Variants in BICC1 observed in about 807,000 individuals in gnomAD.
BICC1 encodes protein bicaudal C homolog 1.
Under a neutral mutation model 111.0 loss-of-function variants are expected in BICC1, and 43 were observed. That is an observed-to-expected ratio of 0.39 (90% CI 0.30 to 0.50). BICC1 has a LOEUF of 0.50. Ranked by LOEUF, BICC1 falls within the 20% of genes least tolerant of loss-of-function variation. BICC1 has a pLI of 0.88. For missense variants in BICC1, 1,091 were observed against 1,203.2 expected, an observed-to-expected ratio of 0.91 and a Z score of 1.38; for synonymous variants, 467 against 434.4, an observed-to-expected ratio of 1.07 and a Z score of -0.93.
At position 58,800,890 on chromosome 10, in the gene BICC1, G is replaced by T. The variant is rs770410935; in HGVS notation, c.1859G>T (p.Gly620Val). 2.0e-5 allele frequency: 32 copies of T among 1,591,950 alleles called. No homozygotes were observed. The highest frequency in any genetic ancestry group is 2.5e-5 in the Non-Finnish European group (29 of 1,171,018). ...ACTTTTTTTTCCTTTTCCTCTGCAG[G>T]TTGTAATGATGCTTTTGTTGAAGTA... ...QTSPKSSPTE[G>V]CNDAFVEVGM... Residue 620 changes from glycine to valine, a missense_variant and splice_region_variant, in exon 14 of 21, where the codon GGT (glycine) becomes GTT (valine). Around this residue, in one of 3 missense-constraint regions of BICC1, gnomAD observed 843 missense variants for 900.8 expected, o/e 0.94. Transcript: ENST00000373886.
chr10:58,809,391 T>A (rs1843826474), intron 17 of BICC1, among the ~76,000 whole-genome samples: 1 of 152,068 alleles, frequency 6.6e-6, no homozygotes, highest in Non-Finnish European at 1.5e-5. Flanking sequence ...TGAGACCAGG[T>A]TATGAGACTG....
At chr10:58,669,816 TTC>T (rs1349893440) in intron 2 of BICC1, among the ~76,000 whole-genome samples, 2 of 152,192 alleles carry the variant, frequency 1.3e-5, no homozygotes, top group Non-Finnish European at 2.9e-5. Context: ...GTTAAAATAT[TTC>T]TGTTTCACTC....
chr10:58,554,445 A>G (rs1843385720), intron 1 of BICC1, among the ~76,000 whole-genome samples: 1 of 152,192 alleles, frequency 6.6e-6, no homozygotes, highest in Non-Finnish European at 1.5e-5. Flanking sequence ...AGCCTACAAT[A>G]TATAGATTCT....
chr10:58,813,082 TA>T (rs1843962735), intron 17 of BICC1, among the ~76,000 whole-genome samples: 1 of 152,102 alleles, frequency 6.6e-6, no homozygotes, highest in Admixed American at 6.6e-5. Flanking sequence ...TTGAATTAAG[TA>T]AGTTTATTGA....
intron 5 of BICC1, 22 bp from the exon 6 acceptor site, chr10:58,788,348 T>C: frequency 6.4e-7 from 1 of 1,571,408 alleles, no homozygotes; most frequent in Non-Finnish European, 8.7e-7. Context: ...AAATCTAACT[T>C]TGTATTTTCC....
intron 1 of BICC1, among the ~76,000 whole-genome samples, chr10:58,527,046 G>A (rs187299263): frequency 5.1e-4 from 77 of 152,070 alleles, no homozygotes; most frequent in African/African-American, 1.4e-3. Flanking sequence ...TACCACCAAC[G>A]GTTTAAAAGT....
intron 5 of BICC1, among the ~76,000 whole-genome samples, chr10:58,787,592 G>A (rs531260009): frequency 5.9e-5 from 9 of 152,268 alleles, no homozygotes; most frequent in African/African-American, 2.2e-4. Context: ...CATGCAAGCG[G>A]TTTCAGTACT....
chr10:58,828,754 T>G lies in BICC1; in HGVS notation c.2795-7T>G, dbSNP rs778987780. 1.9e-6 allele frequency: 3 copies of G among 1,612,630 alleles called. No individual in the cohort carries two copies. In the African/African-American group the frequency reaches 4.0e-5, roughly 22 times the overall value. On this transcript the variant is annotated splice_polypyrimidine_tract_variant and splice_region_variant and intron_variant, in intron 20 of 20. Transcript: ENST00000373886. ...AGCTCCTAACAATTCTCTCTTTCTCTCTCTAGAACTAAATAAAAACCGAAG... is the reference window on the plus strand; with the variant it reads ...AGCTCCTAACAATTCTCTCTTTCTCGCTCTAGAACTAAATAAAAACCGAAG...
intron 1 of BICC1, among the ~76,000 whole-genome samples, chr10:58,589,633 G>A (rs1844540355): frequency 6.6e-6 from 1 of 151,862 alleles, no homozygotes; most frequent in Non-Finnish European, 1.5e-5. Flanking sequence ...CACCATGCCT[G>A]CTGATTTTGT....
rs1258853150 is a variant in BICC1 at position 58,800,411 on chromosome 10, G to T, written c.1858+85G>T. 1.0e-5 allele frequency: 14 copies of T among 1,365,298 alleles called. 1 individual carries two copies. Among genetic ancestry groups the T allele is most frequent in the East Asian group, 7.4e-5 (3 of 40,750 alleles). 84.6% of individuals were successfully genotyped at this position (1,365,298 alleles called of 1,614,324 possible). On this transcript the variant is annotated intron_variant, in intron 13 of 20. Transcript: ENST00000373886. ...AGAGAGTCTATGCAGTGATTTTTGAGTTGGTTTTGCTAAACAGCTATCATT... is the reference window on the plus strand; with the variant it reads ...AGAGAGTCTATGCAGTGATTTTTGATTTGGTTTTGCTAAACAGCTATCATT...
chr10:58,710,256 G>C (rs1415996963), intron 3 of BICC1, among the ~76,000 whole-genome samples: 2 of 152,176 alleles, frequency 1.3e-5, no homozygotes, highest in African/African-American at 4.8e-5. Flanking sequence ...ATTCAGGTCT[G>C]TTTGTTTCCA....
At chr10:58,684,834 A>G (rs910685468) in intron 2 of BICC1, among the ~76,000 whole-genome samples, 6 of 152,026 alleles carry the variant, frequency 3.9e-5, no homozygotes, top group African/African-American at 1.4e-4. Flanking sequence ...TCCTGAATTC[A>G]TTGACTTTTT....
At chr10:58,795,378 A>G (rs1269672851) in intron 9 of BICC1, among the ~76,000 whole-genome samples, 2 of 152,194 alleles carry the variant, frequency 1.3e-5, no homozygotes, top group Admixed American at 6.5e-5. Flanking sequence ...AATTTTATGT[A>G]TCGTGAAGCT....
chr10:58,805,249 C>A (rs867379206), intron 15 of BICC1, among the ~76,000 whole-genome samples: 1 of 151,944 alleles, frequency 6.6e-6, no homozygotes, highest in East Asian at 1.9e-4. Context: ...CCTGAGATTG[C>A]ACCACTGCAC....
At chr10:58,805,314 C>CAA (rs11453346) in intron 15 of BICC1, among the ~76,000 whole-genome samples, 2 of 150,862 alleles carry the variant, frequency 1.3e-5, no homozygotes, top group African/African-American at 4.9e-5. Flanking sequence ...AACAAACAAA[C>CAA]AAAAAAACTG....
intron 3 of BICC1, among the ~76,000 whole-genome samples, chr10:58,778,356 T>C (rs1259228308): frequency 6.6e-6 from 1 of 152,182 alleles, no homozygotes; most frequent in Non-Finnish European, 1.5e-5. Context: ...CGCATAATTT[T>C]TGACTCCCCA....
intron 1 of BICC1, among the ~76,000 whole-genome samples, chr10:58,608,445 A>G (rs924122739): frequency 1.3e-5 from 2 of 152,192 alleles, no homozygotes; most frequent in African/African-American, 4.8e-5. Context: ...GGAATCAGAC[A>G]TTCATGAGTA....
chr10:58,548,569 C>G (rs998445910), intron 1 of BICC1, among the ~76,000 whole-genome samples: 1 of 152,066 alleles, frequency 6.6e-6, no homozygotes, highest in Non-Finnish European at 1.5e-5. Context: ...GTCATGTATC[C>G]CCCATTAGAA....
rs575832095 is a variant in BICC1 at position 58,781,699 on chromosome 10, C to T, written c.308-3302C>T. Among the ~76,000 whole-genome samples, 14 of 152,148 alleles carry T rather than the reference C, an allele frequency of 9.2e-5. No individual in the cohort carries two copies. In the East Asian group the frequency reaches 2.5e-3, roughly 27 times the overall value. On this transcript the variant is annotated intron_variant, in intron 3 of 20. Transcript: ENST00000373886. Reference sequence around the variant, plus strand: ...AGTGGGTCTAAAGGAAATCTTAATCCCTTTTGGTATTACACAGACATGTTT... The same window carrying T: ...AGTGGGTCTAAAGGAAATCTTAATCTCTTTTGGTATTACACAGACATGTTT...
Sources: gnomAD v4.1 joint callset for allele counts (sites outside exome capture counted in the v4.1 genomes callset) on GRCh38, gnomAD v4.1.1 for gene constraint, gnomAD v4.1.1 regional missense constraint, MANE v1.5 for transcripts, NCBI Gene and HGNC (gene_info 2026-07-23, HGNC 2026-07-21) for gene names.